DLG2: variants seen among roughly 807,000 people sequenced by gnomAD.
DLG2 encodes disks large homolog 2.
Under a neutral mutation model 132.5 loss-of-function variants are expected in DLG2, and 45 were observed. The ratio of observed to expected loss-of-function variants is 0.34; its 90% CI spans 0.27 to 0.44. DLG2 has a LOEUF of 0.44. Ranked by LOEUF, DLG2 falls within the 20% of genes least tolerant of loss-of-function variation. The pLI is 1.00. For missense variants in DLG2, 1,045 were observed against 1,196.9 expected (o/e 0.87, Z 1.87); for synonymous variants, 424 against 419.6 (o/e 1.01, Z -0.13).
chr11:85,239,138 C>CT (rs2075748736), intron 4 of DLG2, among the ~76,000 whole-genome samples: 1 of 152,078 alleles, frequency 6.6e-6, no homozygotes, highest in Admixed American at 6.6e-5. Context: ...AGATAAACTG[C>CT]TCACATGGAG....
chr11:84,087,467 A>G (rs1419515840), intron 10 of DLG2, among the ~76,000 whole-genome samples: 3 of 152,164 alleles, frequency 2.0e-5, no homozygotes, highest in Non-Finnish European at 4.4e-5. Context: ...ATAAATATAT[A>G]TTCAAATTTG....
chr11:84,650,777 A>T (rs1337434469), intron 6 of DLG2, among the ~76,000 whole-genome samples: 1 of 149,400 alleles, frequency 6.7e-6, no homozygotes, highest in Non-Finnish European at 1.5e-5. Context: ...TAAGAGATGA[A>T]CTATATTTTA....
intron 18 of DLG2, among the ~76,000 whole-genome samples, chr11:83,775,954 T>C (rs2094565658): frequency 6.6e-6 from 1 of 152,052 alleles, no homozygotes; most frequent in Admixed American, 6.6e-5. Flanking sequence ...TAGCCAGGTG[T>C]GGTGGCAGGA....
intron 11 of DLG2, among the ~76,000 whole-genome samples, chr11:84,029,735 T>C (rs1323283282): frequency 6.6e-6 from 1 of 152,142 alleles, no homozygotes; most frequent in Non-Finnish European, 1.5e-5. Flanking sequence ...CACACTTCAC[T>C]AGGTTTAGGC....
chr11:85,619,781 C>T (rs2081576961), intron 2 of DLG2, among the ~76,000 whole-genome samples: 1 of 152,034 alleles, frequency 6.6e-6, no homozygotes. Context: ...TTGCAGTGAA[C>T]CGAGATTGCG....
intron 6 of DLG2, among the ~76,000 whole-genome samples, chr11:84,760,409 T>C (rs1211587052): frequency 6.6e-6 from 1 of 152,216 alleles, no homozygotes. Flanking sequence ...TAAATTGGCT[T>C]CATTACCAAA....
chr11:84,155,983 G>A (rs2095420448), intron 9 of DLG2, among the ~76,000 whole-genome samples: 1 of 152,074 alleles, frequency 6.6e-6, no homozygotes, highest in Non-Finnish European at 1.5e-5. Flanking sequence ...ATAGTATTTG[G>A]GAAAGGATGA....
At chr11:83,521,609 C>A in intron 21 of DLG2, among the ~76,000 whole-genome samples, 1 of 152,228 alleles carries the variant, frequency 6.6e-6, no homozygotes, top group East Asian at 1.9e-4. Flanking sequence ...TTTTAATTTC[C>A]GGTCTGGACT....
rs981163816 is a variant in DLG2, at chr11:84,370,474, T to G, written c.520-119183A>C. Among the ~76,000 whole-genome samples, 5 of 152,144 alleles carry G rather than the reference T, an allele frequency of 3.3e-5. No homozygotes were observed. The East Asian group carries it at 9.6e-4, about 29-fold the overall frequency. Reference sequence around the variant, plus strand: ...AGACTAGGTCTAAGTTCTAGCACACTAGCAACTAATTAAATGATTTTAGAA... The same window carrying G: ...AGACTAGGTCTAAGTTCTAGCACACGAGCAACTAATTAAATGATTTTAGAA... On this transcript the variant is annotated intron_variant, in intron 7 of 27. Coordinates refer to ENST00000376104, the MANE Select transcript of DLG2 (RefSeq NM_001142699.3).
intron 6 of DLG2, among the ~76,000 whole-genome samples, chr11:84,853,167 T>C (rs1237623554): frequency 1.3e-5 from 2 of 152,006 alleles, no homozygotes; most frequent in African/African-American, 2.4e-5. Flanking sequence ...CAAGGTTTCC[T>C]GAGTCTGTGT....
chr11:85,085,326 C>G (rs1049581818), intron 6 of DLG2, among the ~76,000 whole-genome samples: 1 of 152,090 alleles, frequency 6.6e-6, no homozygotes, highest in African/African-American at 2.4e-5. Context: ...TATATAGAAA[C>G]TCCTAGATAC....
chr11:84,465,242 G>T (rs1468046558), intron 7 of DLG2, among the ~76,000 whole-genome samples: 1 of 151,170 alleles, frequency 6.6e-6, no homozygotes, highest in Non-Finnish European at 1.5e-5. Context: ...ACCATGGCAT[G>T]CCAACCCACC....
intron 3 of DLG2, among the ~76,000 whole-genome samples, chr11:85,314,604 T>A (rs1228026173): frequency 6.6e-6 from 1 of 151,888 alleles, no homozygotes; most frequent in African/African-American, 2.4e-5. Context: ...TCTGGTACTT[T>A]ATTTTGGGGG....
chr11:84,237,189 A>G (rs1192268428), intron 8 of DLG2, among the ~76,000 whole-genome samples: 2 of 152,070 alleles, frequency 1.3e-5, no homozygotes, highest in East Asian at 3.9e-4. Flanking sequence ...CGGCCTCCCA[A>G]AGTCCTGGGA....
In DLG2 at chr11:85,273,332, A is replaced by G. The variant is rs747083157; in HGVS notation, c.186+11888T>C. 8.7e-4 allele frequency among the ~76,000 whole-genome samples: 132 copies of G among 152,322 alleles called. No individual in the cohort carries two copies. In the Middle Eastern group the frequency reaches 0.014, roughly 16 times the overall value. ...GTGAACAGGCAACCTACAGAATGGG[A>G]AGAAATTTTTACAATCTACCCATCT... On this transcript the variant is annotated intron_variant, in intron 4 of 27. Coordinates refer to ENST00000376104, the MANE Select transcript of DLG2 (RefSeq NM_001142699.3).
intron 3 of DLG2, among the ~76,000 whole-genome samples, chr11:85,515,038 G>C (rs1468832432): frequency 6.6e-6 from 1 of 151,872 alleles, no homozygotes; most frequent in Non-Finnish European, 1.5e-5. Context: ...TGATAAGGTG[G>C]ACTGTCAAGA....
Position 84,008,474 on chromosome 11 carries a change from T to C in DLG2, c.920-27832A>G, listed in dbSNP as rs185230316. On this transcript the variant is annotated intron_variant, in intron 11 of 27. Coordinates refer to ENST00000376104, the MANE Select transcript of DLG2 (RefSeq NM_001142699.3). ...TTTTGGTAATTTTGGTATGTATCTC[T>C]ATTCAGACAGCTGTTGACAGATGGA... is the stretch of plus-strand genomic sequence containing the variant. 1.3e-4 allele frequency among the ~76,000 whole-genome samples: 20 copies of C among 152,066 alleles called. No individual in the cohort carries two copies. In the East Asian group the frequency reaches 3.5e-3, roughly 26 times the overall value.
intron 6 of DLG2, among the ~76,000 whole-genome samples, chr11:84,823,051 G>C (rs887611007): frequency 6.6e-6 from 1 of 151,848 alleles, no homozygotes; most frequent in African/African-American, 2.4e-5. Context: ...ATTTAAAAAT[G>C]CATGTATGTA....
intron 6 of DLG2, among the ~76,000 whole-genome samples, chr11:85,009,782 C>A (rs1027064834): frequency 6.6e-6 from 1 of 152,018 alleles, no homozygotes; most frequent in Non-Finnish European, 1.5e-5. Flanking sequence ...CTATCGATTT[C>A]TATAAATGCA....
Sources: gnomAD v4.1 joint callset for allele counts (sites outside exome capture counted in the v4.1 genomes callset) on GRCh38, gnomAD v4.1.1 for gene constraint, MANE v1.5 for transcripts, NCBI Gene and HGNC (gene_info 2026-07-23, HGNC 2026-07-21) for gene names.